ATP13A2: variants seen among roughly 807,000 people sequenced by gnomAD.
ATP13A2 encodes polyamine-transporting ATPase 13A2.
ATP13A2 carries 83 observed loss-of-function variants against 138.3 expected under a neutral mutation model. The ratio of observed to expected loss-of-function variants is 0.60; its 90% CI spans 0.50 to 0.72. ATP13A2 has a LOEUF of 0.72. Among genes scored for constraint, ATP13A2 ranks in the 30% least tolerant of loss-of-function variants. ATP13A2 has a pLI of 0.00. For missense variants in ATP13A2, 1,402 were observed against 1,606.4 expected (o/e 0.87, Z 2.17); for synonymous variants, 663 against 699.0 (o/e 0.95, Z 0.81).
At chr1:16,991,906 C>T in intron 19 of ATP13A2, 48 bp from the exon 20 acceptor site, 1 of 1,613,008 alleles carries the variant, frequency 6.2e-7, no homozygotes, top group Non-Finnish European at 8.5e-7. Flanking sequence ...TGGCCAGGGC[C>T]CCTCTCCCAG....
Position 16,987,028 on chromosome 1 carries a change from A to C in ATP13A2, c.3083+18T>G. 6.2e-7 allele frequency: 1 copy of C among 1,613,402 alleles called. No individual in the cohort carries two copies. The highest frequency in any genetic ancestry group is 8.5e-7 in the Non-Finnish European group (1 of 1,179,878). ...GGGAAGGGGCGGGATGGGGGTGGTCAGTCAGCTCCCTACTCACCATGGCTG... is the reference window on the plus strand; with the variant it reads ...GGGAAGGGGCGGGATGGGGGTGGTCCGTCAGCTCCCTACTCACCATGGCTG... On this transcript the variant is annotated intron_variant, in intron 26 of 28. Transcript: ENST00000326735.
intron 8 of ATP13A2, among the ~76,000 whole-genome samples, chr1:17,001,701 TGAAA>T (rs2077363995): frequency 6.6e-6 from 1 of 152,082 alleles, no homozygotes; most frequent in Non-Finnish European, 1.5e-5. Context: ...GTTGGGAGCA[TGAAA>T]GTGGAGGACG....
chr1:17,007,701 G>A (rs541902711), intron 1 of ATP13A2, among the ~76,000 whole-genome samples: 27 of 151,980 alleles, frequency 1.8e-4, no homozygotes, highest in African/African-American at 5.5e-4. Context: ...ACAGGCGCCC[G>A]CCACCACGCC....
intron 11 of ATP13A2, among the ~76,000 whole-genome samples, chr1:16,999,045 T>C (rs538785572): frequency 6.6e-6 from 1 of 151,962 alleles, no homozygotes; most frequent in Non-Finnish European, 1.5e-5. Context: ...TCCTGTGCCA[T>C]CTGGAATCTT....
chr1:17,004,852 C>T lies in ATP13A2; in HGVS notation c.348-31G>A. 6.2e-7 allele frequency: 1 copy of T among 1,613,630 alleles called. No homozygotes were observed. The highest frequency in any genetic ancestry group is 1.1e-5 in the South Asian group (1 of 91,078). ...GAAGCAGGTGAGGGTTACTCTCGAGCTCTGGGAGCTGCCCTGGCACCTCCC... is the reference window on the plus strand; with the variant it reads ...GAAGCAGGTGAGGGTTACTCTCGAGTTCTGGGAGCTGCCCTGGCACCTCCC... On this transcript the variant is annotated intron_variant, in intron 4 of 28. Transcript: ENST00000326735. The surrounding 1 kb of genome is among the most constrained non-coding windows in gnomAD (Gnocchi z 4.1).
Position 16,995,611 on chromosome 1 carries a change from C to T in ATP13A2, c.1542+365G>A. ...TACAAGCATGTGCCATCATGCCTGG[C>T]TAACTTTTGTATTTTTAGTAGACGG... On this transcript the variant is annotated intron_variant, in intron 15 of 28. Coordinates refer to ENST00000326735, the MANE Select transcript of ATP13A2 (RefSeq NM_022089.4). The surrounding 1 kb of genome is among the most constrained non-coding windows in gnomAD (Gnocchi z 4.1). 2.8e-6 allele frequency: 1 copy of T among 360,600 alleles called. No homozygotes were observed. Among genetic ancestry groups the T allele is most frequent in the South Asian group, 2.2e-5 (1 of 46,192 alleles). 22.3% of individuals were successfully genotyped at this position (360,600 alleles called of 1,614,324 possible). A position where few individuals can be genotyped will look rare whatever the true frequency, so the allele number is the denominator to read the frequency against.
intron 20 of ATP13A2, among the ~76,000 whole-genome samples, chr1:16,991,183 T>G (rs546598290): frequency 4.5e-4 from 68 of 152,274 alleles, no homozygotes; most frequent in African/African-American, 1.6e-3. Context: ...ACTCCTGACC[T>G]CAAGTGATCC....
chr1:16,997,414 C>CGGGGT (rs1553169121), intron 11 of ATP13A2, among the ~76,000 whole-genome samples: 1 of 56,642 alleles, frequency 1.8e-5, no homozygotes, highest in Non-Finnish European at 3.1e-5. Flanking sequence ...CTGGAACCAG[C>CGGGGT]GGGGGGGGGT....
rs1404251687 is a variant in ATP13A2, at chr1:16,995,162, C to T, written c.1542+814G>A. On this transcript the variant is annotated intron_variant, in intron 15 of 28. Coordinates refer to ENST00000326735, the MANE Select transcript of ATP13A2 (RefSeq NM_022089.4). The surrounding 1 kb of genome is among the most constrained non-coding windows in gnomAD (Gnocchi z 4.1). ...TGCTATGACACTCCCACCTTTTACCCTTGCTTCTCCTCGACCTGCCCCTCA... is the reference window on the plus strand; with the variant it reads ...TGCTATGACACTCCCACCTTTTACCTTTGCTTCTCCTCGACCTGCCCCTCA... 5.9e-5 allele frequency among the ~76,000 whole-genome samples: 9 copies of T among 152,212 alleles called. No homozygotes were observed. Among genetic ancestry groups the T allele is most frequent in the Admixed American group, 4.6e-4 (7 of 15,284 alleles).
chr1:16,986,435 C>T lies in ATP13A2; in HGVS notation c.3405+28G>A, dbSNP rs760637978. On this transcript the variant is annotated intron_variant, in intron 28 of 28. Transcript: ENST00000326735. The surrounding 1 kb of genome is among the most constrained non-coding windows in gnomAD (Gnocchi z 6.9). ...ATGCACCCCCACCTCCCTTCTCTCC[C>T]GCTGCTGAGACCCAGGGCGGGCCCC... 5.0e-6 allele frequency: 8 copies of T among 1,609,742 alleles called. No individual in the cohort carries two copies. Among genetic ancestry groups the T allele is most frequent in the African/African-American group, 1.3e-5 (1 of 74,978 alleles).
In ATP13A2 at chr1:17,004,405, C is replaced by T. The variant is rs766714391; in HGVS notation, c.484G>A (p.Val162Met). ...EEAVSVGQKR[V>M]LRYYLFQGQR... is the part of the protein sequence containing the mutation. ...CCCTGGAAGAGGTAATACCGCAGCA[C>T]CCGCTTCTGGGTGGGAGAGAGGAGA... The change falls in exon 6 of 29, where the codon GTG (valine) becomes ATG (methionine). Residue 162 changes from valine (V) to methionine (M), a missense_variant. Physicochemically the swap from Val to Met is conservative, Grantham distance 21. Transcript: ENST00000326735. This position sits in a 1 kb window ranked among gnomAD's most constrained non-coding sequence, Gnocchi z 4.1. The T allele has an allele frequency of 6.2e-7, 1 of 1,614,064 alleles. No homozygotes were observed. Among genetic ancestry groups the T allele is most frequent in the East Asian group, 2.2e-5 (1 of 44,876 alleles).
Position 16,986,979 on chromosome 1 carries a change from C to G in ATP13A2, c.3084-23G>C, listed in dbSNP as rs767135194. 1.7e-5 allele frequency: 27 copies of G among 1,605,226 alleles called. No individual in the cohort carries two copies. In the South Asian group the frequency reaches 2.9e-4, roughly 17 times the overall value. Reference sequence around the variant, plus strand: ...AACCTGGGGGTACAGGGATGGGGGTCAGGGAACGAACGTGGGGTGGACAGG... The same window carrying G: ...AACCTGGGGGTACAGGGATGGGGGTGAGGGAACGAACGTGGGGTGGACAGG... On this transcript the variant is annotated intron_variant, in intron 26 of 28. Coordinates refer to ENST00000326735, the MANE Select transcript of ATP13A2 (RefSeq NM_022089.4). The surrounding 1 kb of genome is among the most constrained non-coding windows in gnomAD (Gnocchi z 6.9).
rs1490796133 is a variant in ATP13A2, at chr1:16,988,085, T to G, written c.2859+53A>C. ...GCCAGCTCCAAGGCACAGGGCTGTG[T>G]CCCCTCCCTAGTCCTGGGACGGCTC... On this transcript the variant is annotated intron_variant, in intron 25 of 28. Coordinates refer to ENST00000326735, the MANE Select transcript of ATP13A2 (RefSeq NM_022089.4). The G allele has an allele frequency of 1.2e-5, 18 of 1,520,458 alleles. No homozygotes were observed. In the South Asian group the frequency reaches 1.8e-4, roughly 15 times the overall value. The allele number at this position is 1,520,458 out of a possible 1,614,324, so 94.2% of individuals were successfully genotyped here. A position where few individuals can be genotyped will look rare whatever the true frequency, so the allele number is the denominator to read the frequency against.
chr1:16,997,358 TA>T (rs2077168873), intron 11 of ATP13A2, among the ~76,000 whole-genome samples, 183 bp from the exon 12 acceptor site: 1 of 136,668 alleles, frequency 7.3e-6, no homozygotes, highest in Non-Finnish European at 1.5e-5. Context: ...GACGGAGATA[TA>T]AAGGCACAGG....
chr1:17,004,920 C>T lies in ATP13A2; in HGVS notation c.347+94G>A. The T allele has an allele frequency of 6.2e-7, 1 of 1,611,626 alleles. No homozygotes were observed. The highest frequency in any genetic ancestry group is 1.1e-5 in the South Asian group (1 of 91,020). ...CTTCCCTCCCTAGGATGGGAGGCGC[C>T]AGAGTCAGCCTTTATGGGGGGGCCG... On this transcript the variant is annotated intron_variant, in intron 4 of 28. Coordinates refer to ENST00000326735, the MANE Select transcript of ATP13A2 (RefSeq NM_022089.4). The surrounding 1 kb of genome is among the most constrained non-coding windows in gnomAD (Gnocchi z 4.1).
chr1:16,993,413 G>C (rs1351340204), intron 16 of ATP13A2, among the ~76,000 whole-genome samples: 3 of 152,186 alleles, frequency 2.0e-5, no homozygotes, highest in Non-Finnish European at 4.4e-5. Flanking sequence ...TTGCCATGTA[G>C]GTCAGGCTGG....
intron 16 of ATP13A2, among the ~76,000 whole-genome samples, chr1:16,992,782 C>A (rs938765896): frequency 6.6e-6 from 1 of 152,266 alleles, no homozygotes; most frequent in Non-Finnish European, 1.5e-5. Flanking sequence ...CACTCCAAAT[C>A]TCCCAGCCTC....
chr1:16,996,761 A>G lies in ATP13A2; in HGVS notation c.1195+259T>C, dbSNP rs2077140906. The G allele has an allele frequency of 9.6e-6, 6 of 625,572 alleles. No homozygotes were observed. The South Asian group carries it at 1.2e-4, about 12-fold the overall frequency. The allele number at this position is 625,572 out of a possible 1,614,324, so 38.8% of individuals were successfully genotyped here. Reference sequence around the variant, plus strand: ...CAGGGAAGGCTCCTGCCTGCCCGCTACATCCCTGCCCGCTCCAGCACTGTA... The same window carrying G: ...CAGGGAAGGCTCCTGCCTGCCCGCTGCATCCCTGCCCGCTCCAGCACTGTA... On this transcript the variant is annotated intron_variant, in intron 12 of 28. Transcript: ENST00000326735.
intron 1 of ATP13A2, among the ~76,000 whole-genome samples, chr1:17,010,318 T>C (rs1382184984): frequency 6.6e-6 from 1 of 152,140 alleles, no homozygotes; most frequent in Admixed American, 6.5e-5. Context: ...CCTCAAGTAA[T>C]CCGCCTGCCT....
Sources: gnomAD v4.1 joint callset for allele counts (sites outside exome capture counted in the v4.1 genomes callset) on GRCh38, gnomAD v4.1.1 for gene constraint, Gnocchi (gnomAD v3.1) non-coding constraint, MANE v1.5 for transcripts, NCBI Gene and HGNC (gene_info 2026-07-23, HGNC 2026-07-21) for gene names.